The following C12orf54 variants were observed in gnomAD, a reference collection of about 807,000 sequenced individuals.
C12orf54 encodes the protein chromosome 12 open reading frame 54.
Under a neutral mutation model 26.4 loss-of-function variants are expected in C12orf54, and 24 were observed. The ratio of observed to expected loss-of-function variants is 0.91; its 90% CI spans 0.66 to 1.28. The LOEUF (loss-of-function observed/expected upper bound fraction) is 1.28. Ranked by LOEUF, C12orf54 falls within the 50% of genes most tolerant of loss-of-function variation. The pLI is 0.00. For synonymous variants in C12orf54, 54 were observed against 47.0 expected, an observed-to-expected ratio of 1.15 and a Z score of -0.61; for missense variants, 154 against 150.9, an observed-to-expected ratio of 1.02 and a Z score of -0.11.
chr12:48,486,524 A>G (rs1954268499), intron 3 of C12orf54, 164 bp from the exon 4 acceptor site: 3 of 701,624 alleles, frequency 4.3e-6, no homozygotes, highest in East Asian at 2.7e-5. Flanking sequence ...GAAATGATTC[A>G]CCAGGGCTGC....
the C12orf54 span, among the ~76,000 whole-genome samples, chr12:48,420,662 A>T: frequency 6.6e-6 from 1 of 152,230 alleles, no homozygotes; most frequent in Non-Finnish European, 1.5e-5. Flanking sequence ...ACAGAGAAAA[A>T]TGTAGCAAAC....
the C12orf54 span, chr12:48,473,065 A>C: frequency 6.2e-7 from 1 of 1,614,062 alleles, no homozygotes; most frequent in East Asian, 2.2e-5. Flanking sequence ...TACTGAGAAA[A>C]GATGTTCAAG....
chr12:48,454,394 C>A, the C12orf54 span, among the ~76,000 whole-genome samples: 1 of 152,104 alleles, frequency 6.6e-6, no homozygotes, highest in African/African-American at 2.4e-5. Context: ...CCACCGCACC[C>A]GGCCAAGACT....
the C12orf54 span, among the ~76,000 whole-genome samples, chr12:48,453,928 G>C: frequency 6.6e-6 from 1 of 151,952 alleles, no homozygotes; most frequent in Admixed American, 6.5e-5. Flanking sequence ...AAAAAGAAGT[G>C]CCTTCTTTTG....
At chr12:48,433,972 C>T in the C12orf54 span, among the ~76,000 whole-genome samples, 1 of 152,208 alleles carries the variant, frequency 6.6e-6, no homozygotes, top group African/African-American at 2.4e-5. Flanking sequence ...GCCATCACCT[C>T]ACCCCGGAAG....
chr12:48,475,137 G>A, the C12orf54 span, among the ~76,000 whole-genome samples: 2 of 152,090 alleles, frequency 1.3e-5, no homozygotes, highest in African/African-American at 4.8e-5. Flanking sequence ...AGGCAAACAG[G>A]GTCTGGAGTG....
intron 7 of C12orf54, among the ~76,000 whole-genome samples, chr12:48,493,321 C>T (rs909271584): frequency 1.3e-5 from 2 of 151,936 alleles, no homozygotes; most frequent in African/African-American, 4.8e-5. Flanking sequence ...AAAGGAAGGC[C>T]ACAAAGAAGG....
chr12:48,487,474 A>G (rs1237085622), intron 4 of C12orf54, among the ~76,000 whole-genome samples: 1 of 152,232 alleles, frequency 6.6e-6, no homozygotes, highest in Non-Finnish European at 1.5e-5. Context: ...GTGACATTCA[A>G]TGACTCTTTA....
At chr12:48,484,191 G>C (rs1592198907) in intron 2 of C12orf54, among the ~76,000 whole-genome samples, 1 of 152,272 alleles carries the variant, frequency 6.6e-6, no homozygotes, top group East Asian at 1.9e-4. Context: ...GCGAAACAAA[G>C]AGTTTGTAGA....
At chr12:48,480,528 G>A (rs1954188061), upstream of C12orf54, among the ~76,000 whole-genome samples, 1 of 152,100 alleles carries the variant, frequency 6.6e-6, no homozygotes, top group African/African-American at 2.4e-5. Flanking sequence ...AAATCACAAT[G>A]AGACATCTCA....
chr12:48,464,682 A>G, the C12orf54 span, among the ~76,000 whole-genome samples: 3 of 152,206 alleles, frequency 2.0e-5, no homozygotes, highest in East Asian at 1.9e-4. Flanking sequence ...CTACAGGACT[A>G]TAGTAACCAA....
the C12orf54 span, among the ~76,000 whole-genome samples, chr12:48,472,423 T>G: frequency 3.3e-5 from 5 of 152,184 alleles, no homozygotes; most frequent in Non-Finnish European, 7.3e-5. Flanking sequence ...AATACATCTA[T>G]CTGATGTAAA....
chr12:48,441,399 G>A, the C12orf54 span, among the ~76,000 whole-genome samples: 1 of 152,118 alleles, frequency 6.6e-6, no homozygotes, highest in Non-Finnish European at 1.5e-5. Flanking sequence ...GGAGGCGGAG[G>A]TTGCAGTGAA....
intron 2 of C12orf54, among the ~76,000 whole-genome samples, chr12:48,484,935 A>G (rs866118527): frequency 6.6e-6 from 1 of 152,212 alleles, no homozygotes; most frequent in Non-Finnish European, 1.5e-5. Context: ...TAGCTCTGCC[A>G]GGTTCTATGG....
chr12:48,468,553 T>C, the C12orf54 span, among the ~76,000 whole-genome samples: 22 of 151,996 alleles, frequency 1.4e-4, no homozygotes, highest in Non-Finnish European at 2.9e-4. Context: ...GGATCGAAAG[T>C]ACAAGGACCA....
chr12:48,437,389 T>C, the C12orf54 span, among the ~76,000 whole-genome samples: 105 of 152,324 alleles, frequency 6.9e-4, no homozygotes, highest in African/African-American at 2.0e-3. Context: ...GAATCCTCCC[T>C]AACTCATTTT....
chr12:48,420,034 A>G, the C12orf54 span, among the ~76,000 whole-genome samples: 1 of 152,214 alleles, frequency 6.6e-6, no homozygotes, highest in African/African-American at 2.4e-5. Flanking sequence ...TTCTTGACAA[A>G]TAGATATTTG....
intron 2 of C12orf54, chr12:48,483,653 G>C: frequency 3.2e-6 from 1 of 309,658 alleles, no homozygotes; most frequent in South Asian, 4.5e-5. Flanking sequence ...CTTTGCCTAA[G>C]TCCTTTATAT....
the C12orf54 span, among the ~76,000 whole-genome samples, chr12:48,435,648 A>T: frequency 5.9e-5 from 9 of 152,200 alleles, no homozygotes; most frequent in Non-Finnish European, 8.8e-5. Flanking sequence ...AGAATTTCAT[A>T]TCCAGCCAAA....
Sources: gnomAD v4.1 joint callset for allele counts (sites outside exome capture counted in the v4.1 genomes callset) on GRCh38, gnomAD v4.1.1 for gene constraint, MANE v1.5 for transcripts, NCBI Gene and HGNC (gene_info 2026-07-23, HGNC 2026-07-21) for gene names.